PTK2: variants seen among roughly 807,000 people sequenced by gnomAD.
PTK2 encodes the protein protein tyrosine kinase 2.
PTK2 carries 45 observed loss-of-function variants against 150.1 expected under a neutral mutation model. The observed-to-expected ratio is 0.30, with a 90% CI of 0.24 to 0.38. The LOEUF (loss-of-function observed/expected upper bound fraction) is 0.38. PTK2 is among the 10% of genes least tolerant of loss of function. PTK2 has a pLI of 1.00. For missense variants in PTK2, 919 were observed against 1,307.3 expected (o/e 0.70, Z 4.58); for synonymous variants, 432 against 449.2 (o/e 0.96, Z 0.48).
At chr8:140,679,312 A>T (rs1291023717) in intron 27 of PTK2, among the ~76,000 whole-genome samples, 1 of 152,038 alleles carries the variant, frequency 6.6e-6, no homozygotes, top group Non-Finnish European at 1.5e-5. Flanking sequence ...GGCGTGAGCC[A>T]CCGCGCCTGG....
Position 140,802,080 on chromosome 8 carries a change from A to AT in PTK2, c.975+1462dup, listed in dbSNP as rs1285170083. 7.7e-5 allele frequency among the ~76,000 whole-genome samples: 11 copies of AT among 142,588 alleles called. No homozygotes were observed. In the South Asian group the frequency reaches 2.6e-3, roughly 33 times the overall value. 93.5% of individuals were successfully genotyped at this position (142,588 alleles called of 152,430 possible). On this transcript the variant is annotated intron_variant, in intron 11 of 31. Coordinates refer to ENST00000522684, the Ensembl canonical transcript of PTK2. ...TTTTAATTAGAATGTACTTCTACTT[A>AT]TTTAAAAAAAAAAAGTTAAATGTAA...
chr8:140,936,620 T>TGA (rs1463016707), intron 1 of PTK2, among the ~76,000 whole-genome samples: 23 of 151,806 alleles, frequency 1.5e-4, no homozygotes, highest in African/African-American at 4.8e-4. Flanking sequence ...TGTAACCAAT[T>TGA]CAAAAACTGG....
intron 1 of PTK2, among the ~76,000 whole-genome samples, chr8:140,975,136 C>T (rs2100188807): frequency 1.3e-5 from 2 of 152,226 alleles, no homozygotes; most frequent in Middle Eastern, 3.4e-3. Flanking sequence ...TTACTAAATT[C>T]GACCTCTGAA....
chr8:140,935,581 A>G (rs1004149154), intron 1 of PTK2, among the ~76,000 whole-genome samples: 1 of 152,152 alleles, frequency 6.6e-6, no homozygotes, highest in African/African-American at 2.4e-5. Context: ...GCTGAGTCCA[A>G]TGCCAAACTG....
At chr8:140,743,500 C>A (rs1336066263) in intron 19 of PTK2, among the ~76,000 whole-genome samples, 170 bp from the exon 23 acceptor site, 1 of 151,950 alleles carries the variant, frequency 6.6e-6, no homozygotes, top group Non-Finnish European at 1.5e-5. Flanking sequence ...TATATACACA[C>A]ACACAAAATT....
Position 140,735,447 on chromosome 8 carries a change from T to TAC in PTK2, c.1832_1833dup (p.Met612ValfsTer6). The TAC allele has an allele frequency of 6.2e-7, 1 of 1,614,032 alleles. No individual in the cohort carries two copies. The highest frequency in any genetic ancestry group is 8.5e-7 in the Non-Finnish European group (1 of 1,179,910). On this transcript the variant is annotated frameshift_variant, in exon 22 of 32. Transcript: ENST00000522684. LOFTEE classifies it high-confidence loss of function. ...ACACCATGCATCAGTATCTCCCACA[T>TAC]ACACACACCTGTCAAGTGGGAATGA...
chr8:140,917,734 G>GA (rs963302414), intron 2 of PTK2, among the ~76,000 whole-genome samples: 47 of 151,590 alleles, frequency 3.1e-4, no homozygotes, highest in African/African-American at 1.1e-3. Flanking sequence ...TTGTCAAGAA[G>GA]AAAAAAAACT....
At chr8:140,947,879 A>AAAT (rs1053803502) in intron 1 of PTK2, among the ~76,000 whole-genome samples, 4 of 151,990 alleles carry the variant, frequency 2.6e-5, no homozygotes, top group South Asian at 2.1e-4. Flanking sequence ...CTCGGACAAA[A>AAAT]AATAATAATA....
intron 3 of PTK2, among the ~76,000 whole-genome samples, chr8:140,888,941 C>T (rs903187844): frequency 2.6e-5 from 4 of 152,120 alleles, no homozygotes; most frequent in Non-Finnish European, 4.4e-5. Flanking sequence ...AAAGTTACAT[C>T]TACAAGGTTT....
intron 29 of PTK2, among the ~76,000 whole-genome samples, chr8:140,670,920 C>T (rs890491327): frequency 3.3e-5 from 5 of 152,134 alleles, no homozygotes; most frequent in African/African-American, 9.7e-5. Flanking sequence ...ACCCTTTGCC[C>T]AATTATTGTG....
chr8:140,927,953 AAAAAG>A (rs2100170134), intron 1 of PTK2, among the ~76,000 whole-genome samples: 4 of 84,536 alleles, frequency 4.7e-5, no homozygotes, highest in Admixed American at 1.9e-4. Flanking sequence ...AAAAAAAAAA[AAAAAG>A]AAAAAAAAAA....
intron 3 of PTK2, 42 bp from the exon 4 acceptor site, chr8:140,879,679 A>G (rs760099879): frequency 2.6e-6 from 3 of 1,158,498 alleles, no homozygotes; most frequent in Non-Finnish European, 3.4e-6. Context: ...ATAAACTGAA[A>G]AAAAAAAAAA....
chr8:140,779,724 A>C (rs1395520227), intron 14 of PTK2, among the ~76,000 whole-genome samples: 1 of 152,232 alleles, frequency 6.6e-6, no homozygotes, highest in Admixed American at 6.5e-5. Context: ...CTGGAGGAAC[A>C]GGTATGAATA....
intron 5 of PTK2, 145 bp from the exon 6 acceptor site, chr8:140,846,823 T>C: frequency 1.7e-6 from 1 of 590,554 alleles, no homozygotes; most frequent in Non-Finnish European, 2.9e-6. Context: ...TAAATAAATG[T>C]TTCCTGAGTA....
At chr8:140,699,599 A>G (rs894822990) in intron 26 of PTK2, among the ~76,000 whole-genome samples, 6 of 152,236 alleles carry the variant, frequency 3.9e-5, no homozygotes, top group Admixed American at 3.3e-4. Context: ...GGCAAATCTT[A>G]GCTGTCTTGT....
chr8:140,884,184 T>C (rs1387870061), intron 3 of PTK2, among the ~76,000 whole-genome samples: 1 of 152,156 alleles, frequency 6.6e-6, no homozygotes, highest in African/African-American at 2.4e-5. Context: ...GATTAGGATG[T>C]AGGCATCTTT....
chr8:140,714,829 T>G (rs977232420), intron 23 of PTK2, among the ~76,000 whole-genome samples: 1 of 127,510 alleles, frequency 7.8e-6, no homozygotes. Context: ...AAAATCTAAG[T>G]AAGACTTACT....
In PTK2 at chr8:140,860,129, T is replaced by C. The variant is rs555006945; in HGVS notation, c.450+4183A>G. 9.2e-5 allele frequency among the ~76,000 whole-genome samples: 14 copies of C among 152,246 alleles called. No homozygotes were observed. The East Asian group carries it at 2.3e-3, about 25-fold the overall frequency. ...TTTAATGCTGTTAATACCTTCCACA[T>C]CCATGAACAGTTGTACCTCCCTGTT... On this transcript the variant is annotated intron_variant, in intron 5 of 31. Transcript: ENST00000522684.
At chr8:140,932,909 T>G (rs534925963) in intron 1 of PTK2, among the ~76,000 whole-genome samples, 1 of 151,802 alleles carries the variant, frequency 6.6e-6, no homozygotes, top group Admixed American at 6.6e-5. Flanking sequence ...TAGAGTGCAG[T>G]GGGGCAATCT....
Sources: allele counts gnomAD v4.1 joint callset (sites outside exome capture counted in the v4.1 genomes callset), GRCh38; gene constraint gnomAD v4.1.1; transcripts MANE v1.5; gene names NCBI Gene and HGNC (gene_info 2026-07-23, HGNC 2026-07-21).